IL1RAPL1: variants seen among roughly 807,000 people sequenced by gnomAD.
IL1RAPL1 encodes the protein interleukin-1 receptor accessory protein-like 1.
A neutral mutation model predicts 48.4 loss-of-function variants in IL1RAPL1; 3 were observed. The ratio of observed to expected loss-of-function variants is 0.06; its 90% CI spans 0.03 to 0.16. The LOEUF (loss-of-function observed/expected upper bound fraction) is 0.16, where lower values mean the gene tolerates loss of function less well. Ranked by LOEUF, IL1RAPL1 falls within the 10% of genes least tolerant of loss-of-function variation. The probability of loss-of-function intolerance (pLI) is 1.00; values close to 1 mark genes in which losing one functional copy is unlikely to be tolerated. For synonymous variants in IL1RAPL1, 185 were observed against 187.7 expected (o/e 0.99, Z 0.12); for missense variants, 349 against 530.6 (o/e 0.66, Z 3.36).
intron 6 of IL1RAPL1, among the ~76,000 whole-genome samples, chrX:29,865,818 T>G (rs1931683206): frequency 9.7e-6 from 1 of 103,217 alleles, no homozygotes; most frequent in African/African-American, 3.5e-5. Flanking sequence ...TTTTTTTTTT[T>G]TTTGTATTTT....
At chrX:29,603,223 G>A (rs1172550795) in intron 5 of IL1RAPL1, among the ~76,000 whole-genome samples, 3 of 103,622 alleles carry the variant, frequency 2.9e-5, no homozygotes, top group African/African-American at 1.1e-4. Flanking sequence ...CCAAGACTGC[G>A]CCATTGCCCT....
At chrX:28,901,034 G>C (rs6628397) in intron 2 of IL1RAPL1, among the ~76,000 whole-genome samples, 31,136 of 111,158 alleles carry the variant, frequency 0.28, 4,101 homozygotes, top group East Asian at 0.58. Flanking sequence ...TAGGATTTAT[G>C]CATTTATTCA....
chrX:29,095,387 C>T (rs1036288683), intron 2 of IL1RAPL1, among the ~76,000 whole-genome samples: 2 of 110,965 alleles, frequency 1.8e-5, no homozygotes, highest in Admixed American at 1.9e-4. Context: ...GCTTTGAGGT[C>T]TAGCTTAATA....
At chrX:29,233,897 C>T (rs539126187) in intron 2 of IL1RAPL1, among the ~76,000 whole-genome samples, 4 of 112,450 alleles carry the variant, frequency 3.6e-5, no homozygotes, top group South Asian at 3.7e-4. Flanking sequence ...ACAAAGTAAG[C>T]AGCCATGTTG....
intron 6 of IL1RAPL1, among the ~76,000 whole-genome samples, chrX:29,855,544 T>C (rs1452093699): frequency 9.0e-6 from 1 of 111,658 alleles, no homozygotes; most frequent in Non-Finnish European, 1.9e-5. Context: ...ACCAACATTC[T>C]GGTTTGAATA....
intron 5 of IL1RAPL1, among the ~76,000 whole-genome samples, chrX:29,565,945 TTTG>T (rs760861504): frequency 1.1e-4 from 12 of 111,073 alleles, no homozygotes; most frequent in Non-Finnish European, 1.7e-4. Flanking sequence ...GGGGAAATTT[TTTG>T]TTGTTGTTTT....
chrX:29,451,470 C>T (rs755693122), intron 5 of IL1RAPL1, among the ~76,000 whole-genome samples: 17 of 111,642 alleles, frequency 1.5e-4, no homozygotes, highest in African/African-American at 4.9e-4. Flanking sequence ...GCTGGGATTA[C>T]AGGCATGAGC....
At chrX:29,474,157 T>G (rs1278950451) in intron 5 of IL1RAPL1, among the ~76,000 whole-genome samples, 2 of 112,291 alleles carry the variant, frequency 1.8e-5, no homozygotes, top group Admixed American at 1.9e-4. Flanking sequence ...GTCAACTGAT[T>G]ATTATGTTCA....
intron 2 of IL1RAPL1, among the ~76,000 whole-genome samples, chrX:29,130,658 A>G (rs148069146): frequency 0.021 from 2,298 of 111,814 alleles, 66 homozygotes; most frequent in African/African-American, 0.071. Flanking sequence ...TTGGACTAAG[A>G]TACAAAATTT....
intron 2 of IL1RAPL1, among the ~76,000 whole-genome samples, chrX:29,122,450 C>T (rs1199918197): frequency 1.1e-5 from 1 of 90,746 alleles, no homozygotes; most frequent in Non-Finnish European, 2.2e-5. Context: ...CACACACACT[C>T]GCCCCCCCCA....
chrX:29,865,793 C>T (rs1198169689), intron 6 of IL1RAPL1, among the ~76,000 whole-genome samples: 6 of 102,595 alleles, frequency 5.8e-5, no homozygotes, highest in East Asian at 3.2e-4. Flanking sequence ...CACGCCACCA[C>T]GCCTGGCTAA....
chrX:28,894,701 C>T (rs1231500676), intron 2 of IL1RAPL1, among the ~76,000 whole-genome samples: 4 of 110,738 alleles, frequency 3.6e-5, no homozygotes, highest in Non-Finnish European at 5.7e-5. Flanking sequence ...CAGTGGCAGC[C>T]GCTGCACGCA....
intron 2 of IL1RAPL1, among the ~76,000 whole-genome samples, chrX:29,095,935 T>C (rs931110489): frequency 3.6e-5 from 4 of 111,532 alleles, no homozygotes; most frequent in African/African-American, 1.3e-4. Context: ...TAAGTTCAGT[T>C]GTTTATTTGA....
intron 1 of IL1RAPL1, among the ~76,000 whole-genome samples, chrX:28,734,113 C>G (rs1935789621): frequency 9.0e-6 from 1 of 111,582 alleles, no homozygotes; most frequent in South Asian, 3.8e-4. Flanking sequence ...CTTACCACCT[C>G]TGCTGCTACA....
At chrX:29,172,251 G>T (rs1349228401) in intron 2 of IL1RAPL1, among the ~76,000 whole-genome samples, 1 of 111,693 alleles carries the variant, frequency 9.0e-6, no homozygotes, top group Non-Finnish European at 1.9e-5. Flanking sequence ...TATGATCCTA[G>T]AATACATATG....
intron 5 of IL1RAPL1, among the ~76,000 whole-genome samples, chrX:29,568,565 T>C (rs1351881048): frequency 9.0e-6 from 1 of 111,098 alleles, no homozygotes; most frequent in Non-Finnish European, 1.9e-5. Flanking sequence ...AATGGTGATT[T>C]TCTGAGAAAA....
intron 2 of IL1RAPL1, among the ~76,000 whole-genome samples, chrX:29,021,908 G>A (rs189396588): frequency 1.1e-4 from 12 of 111,309 alleles, no homozygotes; most frequent in African/African-American, 3.9e-4. Context: ...TGCCTTCAAC[G>A]CTCACTACAC....
intron 5 of IL1RAPL1, among the ~76,000 whole-genome samples, chrX:29,563,051 G>C (rs1022954709): frequency 9.0e-6 from 1 of 111,558 alleles, no homozygotes; most frequent in African/African-American, 3.3e-5. Context: ...AAAAATTATT[G>C]TTATTTGAAT....
intron 2 of IL1RAPL1, among the ~76,000 whole-genome samples, chrX:28,812,992 T>G (rs1236783325): frequency 9.0e-6 from 1 of 111,172 alleles, no homozygotes; most frequent in East Asian, 2.8e-4. Flanking sequence ...TAGAAGATTT[T>G]TTTTTCTTGT....
Sources: gnomAD v4.1 joint callset for allele counts (sites outside exome capture counted in the v4.1 genomes callset) on GRCh38, gnomAD v4.1.1 for gene constraint, MANE v1.5 for transcripts, NCBI Gene and HGNC (gene_info 2026-07-23, HGNC 2026-07-21) for gene names.